TMPRSS15: variants seen among roughly 807,000 people sequenced by gnomAD.
The protein encoded by TMPRSS15 is transmembrane serine protease 15.
TMPRSS15 carries 128 observed loss-of-function variants against 125.3 expected under a neutral mutation model. The observed-to-expected ratio is 1.02, with a 90% confidence interval of 0.89 to 1.18. TMPRSS15 has a LOEUF of 1.18. Among genes scored for constraint, TMPRSS15 ranks in the 50% most tolerant of loss-of-function variants. The probability of loss-of-function intolerance (pLI) is 0.00; values close to 1 mark genes in which losing one functional copy is unlikely to be tolerated. For synonymous variants in TMPRSS15, 446 were observed against 423.2 expected (o/e 1.05, Z -0.66); for missense variants, 1,283 against 1,212.7 (o/e 1.06, Z -0.86).
In TMPRSS15 at chr21:18,306,668, GT is replaced by G. The variant is rs201107724; in HGVS notation, c.2165+6276del. On this transcript the variant is annotated intron_variant, in intron 18 of 24. Transcript: ENST00000284885. ...TTCTCTAAAGTTTTACAGAAATGAT[GT>G]TTTTTTCTAGATTTTAATGATTTAG... Among the ~76,000 whole-genome samples, 1,132 of 151,790 alleles carry G rather than the reference GT, an allele frequency of 7.5e-3. 15 individuals carry two copies. The highest frequency in any genetic ancestry group is 0.026 in the African/African-American group (1,062 of 41,412).
intron 12 of TMPRSS15, among the ~76,000 whole-genome samples, chr21:18,343,262 A>G (rs1053756141): frequency 2.0e-5 from 3 of 152,292 alleles, no homozygotes; most frequent in South Asian, 2.1e-4. Context: ...ACTTCGATGT[A>G]TTTTATGGAC....
intron 3 of TMPRSS15, among the ~76,000 whole-genome samples, chr21:18,384,556 A>G (rs1300929602): frequency 1.3e-5 from 2 of 152,298 alleles, no homozygotes; most frequent in East Asian, 1.9e-4. Context: ...AAAAATGAAT[A>G]AATTTTTGGT....
intron 18 of TMPRSS15, among the ~76,000 whole-genome samples, chr21:18,298,849 T>A (rs1268885331): frequency 1.3e-5 from 2 of 152,182 alleles, no homozygotes; most frequent in Admixed American, 1.3e-4. Flanking sequence ...TCTGTCTGTT[T>A]CCAGGGAACT....
rs781154385 is a variant in TMPRSS15 at position 18,343,543 on chromosome 21, T to C, written c.1391A>G (p.Tyr464Cys). 2.9e-5 allele frequency: 47 copies of C among 1,613,162 alleles called. No individual in the cohort carries two copies. In the Middle Eastern group the frequency reaches 8.3e-4, roughly 28 times the overall value. Residue 464 changes from tyrosine to cysteine, a missense_variant, in exon 12 of 25, where the codon TAT becomes TGT. Tyr to Cys is a radical substitution (Grantham distance 194). Transcript: ENST00000284885. ...TGTTTCATTTAGGGTTACTTGTCCA[T>C]AATTCCAATTGTCTCCATAATTTCC... ...KEGNYGDNWNYGQVTLNETVK... is the reference protein window; with the variant it reads ...KEGNYGDNWNCGQVTLNETVK...
At chr21:18,354,680 A>T (rs543139078) in intron 8 of TMPRSS15, among the ~76,000 whole-genome samples, 159 of 151,928 alleles carry the variant, frequency 1.0e-3, no homozygotes, top group Non-Finnish European at 1.9e-3. Context: ...TATAGTGCAT[A>T]TGAAATATTA....
chr21:18,314,078 C>T (rs866573580), intron 17 of TMPRSS15, among the ~76,000 whole-genome samples: 2 of 152,038 alleles, frequency 1.3e-5, no homozygotes, highest in South Asian at 4.2e-4. Flanking sequence ...GTCTTACCTA[C>T]AAACACTATG....
chr21:18,276,927 ATT>A (rs1016603973), intron 23 of TMPRSS15, among the ~76,000 whole-genome samples: 1 of 147,370 alleles, frequency 6.8e-6, no homozygotes, highest in Non-Finnish European at 1.5e-5. Context: ...CGCCTGGCTA[ATT>A]TTTTTTTTGT....
chr21:18,341,088 G>A (rs2075440916), intron 13 of TMPRSS15, among the ~76,000 whole-genome samples: 1 of 152,136 alleles, frequency 6.6e-6, no homozygotes, highest in Non-Finnish European at 1.5e-5. Flanking sequence ...TAGAGACAGA[G>A]TCTTACTCTG....
intron 16 of TMPRSS15, among the ~76,000 whole-genome samples, chr21:18,317,317 GA>G (rs1404153408): frequency 6.6e-6 from 1 of 151,460 alleles, no homozygotes; most frequent in African/African-American, 2.4e-5. Context: ...TATACTTATT[GA>G]AAAAAATACC....
chr21:18,348,669 T>A (rs1323453438), intron 10 of TMPRSS15, among the ~76,000 whole-genome samples: 1 of 152,172 alleles, frequency 6.6e-6, no homozygotes, highest in African/African-American at 2.4e-5. Flanking sequence ...GTTACACTTA[T>A]TTTAGAAAAA....
intron 13 of TMPRSS15, 134 bp downstream of exon 13, chr21:18,341,279 C>A: frequency 9.5e-7 from 1 of 1,053,388 alleles, no homozygotes; most frequent in East Asian, 2.4e-5. Flanking sequence ...CTGTAATCCT[C>A]AGGCTGGTCT....
chr21:18,397,714 C>T (rs719521), intron 3 of TMPRSS15, among the ~76,000 whole-genome samples, 165 bp downstream of exon 3: 11,937 of 152,054 alleles, frequency 0.079, 583 homozygotes, highest in South Asian at 0.13. Context: ...TATTATTATT[C>T]GCTACTAAAA....
chr21:18,389,336 A>G (rs570362850), intron 3 of TMPRSS15, among the ~76,000 whole-genome samples: 13 of 152,180 alleles, frequency 8.5e-5, no homozygotes, highest in African/African-American at 3.1e-4. Context: ...TCTGTATTTG[A>G]TAAGATTAAA....
chr21:18,285,646 T>A (rs1308094434), intron 21 of TMPRSS15, among the ~76,000 whole-genome samples: 2 of 152,046 alleles, frequency 1.3e-5, no homozygotes, highest in East Asian at 3.9e-4. Flanking sequence ...TGCCAGAGAG[T>A]ACGAAAGTTT....
intron 1 of TMPRSS15, among the ~76,000 whole-genome samples, chr21:18,446,426 G>T (rs530159867): frequency 1.3e-5 from 2 of 152,094 alleles, no homozygotes; most frequent in South Asian, 2.1e-4. Context: ...TACCAAGAAA[G>T]TTCTTCAAAG....
intron 7 of TMPRSS15, among the ~76,000 whole-genome samples, chr21:18,364,825 C>T (rs1293437370): frequency 6.6e-6 from 1 of 152,148 alleles, no homozygotes; most frequent in Non-Finnish European, 1.5e-5. Flanking sequence ...AATTCTACTT[C>T]TCACGATACA....
At chr21:18,340,090 CA>C (rs1229447680) in intron 13 of TMPRSS15, among the ~76,000 whole-genome samples, 1 of 152,142 alleles carries the variant, frequency 6.6e-6, no homozygotes, top group African/African-American at 2.4e-5. Context: ...TTGAAGGATG[CA>C]AAGTATTGTT....
chr21:18,421,813 T>C (rs1427748481), intron 1 of TMPRSS15, among the ~76,000 whole-genome samples: 3 of 152,128 alleles, frequency 2.0e-5, no homozygotes, highest in Non-Finnish European at 2.9e-5. Context: ...AGACTTTAAG[T>C]AAATTTTATT....
At chr21:18,471,232 G>T (rs928531114) in intron 1 of TMPRSS15, among the ~76,000 whole-genome samples, 1 of 151,938 alleles carries the variant, frequency 6.6e-6, no homozygotes, top group African/African-American at 2.4e-5. Context: ...CAAAAAGAAT[G>T]TCCTATTTGC....
Sources: gnomAD v4.1 joint callset for allele counts (sites outside exome capture counted in the v4.1 genomes callset) on GRCh38, gnomAD v4.1.1 for gene constraint, MANE v1.5 for transcripts, NCBI Gene and HGNC (gene_info 2026-07-23, HGNC 2026-07-21) for gene names.